Variants in DHRS12 observed in about 807,000 individuals in gnomAD.
DHRS12 encodes dehydrogenase/reductase SDR family member 12.
A neutral mutation model predicts 32.1 loss-of-function variants in DHRS12; 29 were observed. The ratio of observed to expected loss-of-function variants is 0.90; its 90% CI spans 0.67 to 1.23. The LOEUF is 1.23. DHRS12 is among the 50% of genes most tolerant of loss of function. The pLI, the probability that DHRS12 is intolerant of heterozygous loss-of-function variation, is 0.00. For missense variants in DHRS12, 330 were observed against 337.2 expected (o/e 0.98, Z 0.17); for synonymous variants, 150 against 135.9 (o/e 1.10, Z -0.72).
chr13:51,757,408 AT>A, the DHRS12 span, among the ~76,000 whole-genome samples: 2 of 152,110 alleles, frequency 1.3e-5, no homozygotes, highest in Admixed American at 1.3e-4. Flanking sequence ...TAAAGTAACC[AT>A]TTTAAGATAC....
At chr13:51,801,115 C>T (rs1955734804) in intron 1 of DHRS12, among the ~76,000 whole-genome samples, 1 of 152,168 alleles carries the variant, frequency 6.6e-6, no homozygotes, top group African/African-American at 2.4e-5. Context: ...TCTTGGGCAG[C>T]CTAAATGAGA....
At chr13:51,772,567 A>G in intron 6 of DHRS12, 1 of 954,924 alleles carries the variant, frequency 1.0e-6, no homozygotes, top group Non-Finnish European at 1.2e-6. Flanking sequence ...GAATTGCTTA[A>G]ACCAAGGAGA....
chr13:51,786,229 C>T (rs1240763232), intron 4 of DHRS12, among the ~76,000 whole-genome samples: 5 of 152,240 alleles, frequency 3.3e-5, no homozygotes, highest in Non-Finnish European at 7.3e-5. Flanking sequence ...TAATTGGTGA[C>T]GCAGCTGTCC....
Position 51,771,824 on chromosome 13 carries a change from G to T in DHRS12, c.556C>A (p.Pro186Thr). The change falls in exon 7 of 9, where the codon CCA (proline) becomes ACA (threonine). Residue 186 changes from proline (P) to threonine (T), a missense_variant. Pro to Thr is a conservative substitution (Grantham distance 38, BLOSUM62 -1). Transcript: ENST00000444610. ...GCAATTAAAGGCTATGACATACCTGGGGTGTCGGCCCAGCCAGGATGCATG... is the reference window on the plus strand; with the variant it reads ...GCAATTAAAGGCTATGACATACCTGTGGTGTCGGCCCAGCCAGGATGCATG... ...SSMHPGWADT[P>T]GVRQAMPGFH... The T allele has an allele frequency of 1.9e-6, 3 of 1,614,110 alleles. No homozygotes were observed. Among genetic ancestry groups the T allele is most frequent in the East Asian group, 2.2e-5 (1 of 44,870 alleles).
chr13:51,773,784 G>A, intron 6 of DHRS12, 146 bp downstream of exon 6: 1 of 682,338 alleles, frequency 1.5e-6, no homozygotes, highest in Middle Eastern at 2.8e-4. Flanking sequence ...TCCCCAAAGG[G>A]GAGCCCTCTT....
the DHRS12 span, among the ~76,000 whole-genome samples, chr13:51,758,801 C>G: frequency 6.6e-6 from 1 of 152,134 alleles, no homozygotes; most frequent in African/African-American, 2.4e-5. Context: ...CCTCCCTGAC[C>G]CATTCTTGGA....
chr13:51,756,263 G>C, the DHRS12 span: 1 of 1,548,578 alleles, frequency 6.5e-7, no homozygotes, highest in Non-Finnish European at 8.7e-7. Flanking sequence ...CTGCCAGGAG[G>C]GGTGAGATGC....
chr13:51,765,549 C>G (rs1440399993), downstream of DHRS12: 1 of 152,188 alleles, frequency 6.6e-6, no homozygotes, highest in Admixed American at 6.5e-5. Flanking sequence ...CCCTTCCAAT[C>G]CTGTGATTCT....
intron 4 of DHRS12, among the ~76,000 whole-genome samples, chr13:51,780,160 G>C (rs943801307): frequency 6.6e-6 from 1 of 151,902 alleles, no homozygotes; most frequent in Non-Finnish European, 1.5e-5. Flanking sequence ...TTGGGCAAGA[G>C]AGTGAGATTC....
intron 8 of DHRS12, 52 bp downstream of exon 8, chr13:51,769,104 C>T (rs1038041314): frequency 3.9e-6 from 6 of 1,547,508 alleles, no homozygotes; most frequent in African/African-American, 2.7e-5. Flanking sequence ...GAAGGCCCAG[C>T]TGCTGCCCCT....
rs750776363 is a variant in DHRS12, at chr13:51,782,106, C to A, written c.302-4985G>T. Among the ~76,000 whole-genome samples the A allele has an allele frequency of 8.8e-4, 134 of 152,218 alleles. No homozygotes were observed. The highest frequency in any genetic ancestry group is 3.4e-3 in the Middle Eastern group (1 of 294). Reference sequence around the variant, plus strand: ...GCGGTGACGGAGATGATGCTGGCCACTGGGGTGGGGCCCATTACAGGAGCA... The same window carrying A: ...GCGGTGACGGAGATGATGCTGGCCAATGGGGTGGGGCCCATTACAGGAGCA... On this transcript the variant is annotated intron_variant, in intron 4 of 8. Transcript: ENST00000444610. The surrounding 1 kb of genome is among the most constrained non-coding windows in gnomAD (Gnocchi z 4.2).
At chr13:51,771,957 A>G in intron 6 of DHRS12, 46 bp from the exon 7 acceptor site, 1 of 1,594,382 alleles carries the variant, frequency 6.3e-7, no homozygotes, top group Admixed American at 1.7e-5. Context: ...AGGAGGCGCC[A>G]TTAGGTGCAA....
At chr13:51,778,133 C>A (rs1954532669) in intron 4 of DHRS12, among the ~76,000 whole-genome samples, 1 of 152,224 alleles carries the variant, frequency 6.6e-6, no homozygotes, top group Non-Finnish European at 1.5e-5. Flanking sequence ...TCCCTCTGAA[C>A]CCTGGCTCTG....
intron 4 of DHRS12, among the ~76,000 whole-genome samples, chr13:51,778,326 G>A (rs537799339): frequency 3.9e-4 from 60 of 152,336 alleles, no homozygotes; most frequent in African/African-American, 1.4e-3. Context: ...ATTATCATTT[G>A]TGATTCTGAG....
intron 2 of DHRS12, among the ~76,000 whole-genome samples, chr13:51,796,580 TATC>T (rs1955520850): frequency 6.6e-6 from 1 of 152,140 alleles, no homozygotes; most frequent in Non-Finnish European, 1.5e-5. Flanking sequence ...AGATCCATAT[TATC>T]ATCATTTTTC....
At chr13:51,797,989 T>C in intron 2 of DHRS12, 1 of 1,371,858 alleles carries the variant, frequency 7.3e-7, no homozygotes, top group Non-Finnish European at 1.0e-6. Context: ...AATGAAGACA[T>C]ATGGGCTCAC....
In DHRS12 at chr13:51,780,334, A is replaced by G. The variant is rs146693578; in HGVS notation, c.302-3213T>C. 5.9e-5 allele frequency among the ~76,000 whole-genome samples: 9 copies of G among 152,236 alleles called. No homozygotes were observed. The East Asian group carries it at 1.5e-3, about 26-fold the overall frequency. On this transcript the variant is annotated intron_variant, in intron 4 of 8. Coordinates refer to ENST00000444610, the MANE Select transcript of DHRS12 (RefSeq NM_001377533.1). The stretch of plus-strand genomic sequence containing the variant: ...TCCTCTAAGACTTCCTATTAATATC[A>G]GGGACATTTGGGTGATTCAAGGTTT...
At chr13:51,788,688 C>G (rs913769099) in intron 4 of DHRS12, among the ~76,000 whole-genome samples, 1 of 151,788 alleles carries the variant, frequency 6.6e-6, no homozygotes, top group African/African-American at 2.4e-5. Context: ...TCAACAACAA[C>G]AAAAAATTTT....
At chr13:51,768,635 GA>G in intron 8 of DHRS12, 1 of 1,145,978 alleles carries the variant, frequency 8.7e-7, no homozygotes, top group Non-Finnish European at 1.1e-6. Context: ...AAGAACAGAG[GA>G]AAGAGAAGCC....
Sources: allele counts gnomAD v4.1 joint callset (sites outside exome capture counted in the v4.1 genomes callset), GRCh38; gene constraint gnomAD v4.1.1; non-coding constraint Gnocchi (gnomAD v3.1); transcripts MANE v1.5; gene names NCBI Gene and HGNC (gene_info 2026-07-23, HGNC 2026-07-21).